Variants in THNSL1 observed in about 807,000 individuals in gnomAD.
THNSL1 encodes the protein threonine synthase like 1, also known as threonine synthase-like 1.
In THNSL1, 48 loss-of-function variants were observed where a neutral mutation model predicts 50.4. The ratio of observed to expected loss-of-function variants is 0.95; its 90% confidence interval spans 0.76 to 1.21. THNSL1 has a LOEUF of 1.21. Among genes scored for constraint, THNSL1 ranks in the 50% most tolerant of loss-of-function variants. The pLI is 0.00. For missense variants in THNSL1, 896 were observed against 871.7 expected, an observed-to-expected ratio of 1.03 and a Z score of -0.35; for synonymous variants, 309 against 306.1, an observed-to-expected ratio of 1.01 and a Z score of -0.10.
At chr10:24,991,550 G>T in the THNSL1 span, among the ~76,000 whole-genome samples, 4 of 152,120 alleles carry the variant, frequency 2.6e-5, no homozygotes, top group Non-Finnish European at 4.4e-5. Flanking sequence ...GCAGGCCATC[G>T]ATCAGTGGAA....
the THNSL1 span, among the ~76,000 whole-genome samples, chr10:24,965,668 C>T: frequency 6.6e-6 from 1 of 152,130 alleles, no homozygotes; most frequent in Non-Finnish European, 1.5e-5. Context: ...CTTTGCAGGG[C>T]CCTGCATTTC....
At chr10:25,000,144 T>G in the THNSL1 span, among the ~76,000 whole-genome samples, 36,763 of 152,126 alleles carry the variant, frequency 0.24, 5,541 homozygotes, top group East Asian at 0.5. Flanking sequence ...TTTCCAGATA[T>G]CTAATTGATT....
At chr10:24,955,433 A>G in the THNSL1 span, among the ~76,000 whole-genome samples, 9 of 152,214 alleles carry the variant, frequency 5.9e-5, no homozygotes, top group African/African-American at 2.2e-4. Flanking sequence ...AGCCAATTAT[A>G]TCAGTGTAAT....
In THNSL1 at chr10:25,025,353, G is replaced by A. The variant is rs1355513841; in HGVS notation, c.2130G>A (p.Glu710=). The A allele has an allele frequency of 1.2e-6, 2 of 1,613,054 alleles. No individual in the cohort carries two copies. Among genetic ancestry groups the A allele is most frequent in the African/African-American group, 2.7e-5 (2 of 74,910 alleles). ...CTCCACTGCATGAGGCTTTATTAGA[G>A]AGAACAAAACAGCAAGAGAAGATGG... ...ALPPLHEALL[E]RTKQQEKMEY... is the part of the protein sequence containing the mutation. Residue 710 remains glutamate (E), a synonymous_variant, in exon 3 of 3, where the codon GAG becomes GAA. Transcript: ENST00000376356.
chr10:24,964,889 C>T, the THNSL1 span, among the ~76,000 whole-genome samples: 1 of 151,948 alleles, frequency 6.6e-6, no homozygotes, highest in African/African-American at 2.4e-5. Flanking sequence ...ATGGAGGAAC[C>T]CCTTCTCTAC....
chr10:24,985,858 A>G, the THNSL1 span, among the ~76,000 whole-genome samples: 2 of 152,200 alleles, frequency 1.3e-5, no homozygotes, highest in Non-Finnish European at 2.9e-5. Context: ...GCTTGAGCCC[A>G]GGAGTTCGAG....
rs1588674922 is a variant in THNSL1, at chr10:25,024,127, C to T, written c.904C>T (p.Pro302Ser). Residue 302 changes from proline to serine, a missense_variant, in exon 3 of 3, where the codon CCT becomes TCT. Transcript: ENST00000376356. The stretch of plus-strand genomic sequence containing the variant: ...GATACTGTTGGAAAGATGTATCCAT[C>T]CTGCAGACATACCTGCTGCCAGGTT... ...AQILLERCIH[P>S]ADIPAARLGE... The T allele has an allele frequency of 6.2e-7, 1 of 1,614,162 alleles. No homozygotes were observed.
chr10:24,952,512 G>A, the THNSL1 span: 2 of 1,581,680 alleles, frequency 1.3e-6, no homozygotes, highest in South Asian at 2.3e-5. The surrounding 1 kb of genome is among the most constrained non-coding windows in gnomAD (Gnocchi z 5.1). Context: ...CCCCAAAATA[G>A]GGAGTTTGCA....
chr10:24,967,399 A>G, the THNSL1 span, among the ~76,000 whole-genome samples: 6 of 152,294 alleles, frequency 3.9e-5, no homozygotes, highest in East Asian at 1.2e-3. Flanking sequence ...TGGCTCTTAC[A>G]ACTGAGAATA....
Position 25,025,241 on chromosome 10 carries a change from C to T in THNSL1, c.2018C>T (p.Pro673Leu), listed in dbSNP as rs1237742975. 1 of 1,614,060 alleles carries T rather than the reference C, an allele frequency of 6.2e-7. No individual in the cohort carries two copies. Among genetic ancestry groups the T allele is most frequent in the Non-Finnish European group, 8.5e-7 (1 of 1,180,054 alleles). ...ACAGCCCATTACTCAAAGTTTGCAC[C>T]TGCTATCATGCAGGCTTTAAAGATT... ...SSTAHYSKFA[P>L]AIMQALKIKE... The change falls in exon 3 of 3, where the codon CCT becomes CTT. Residue 673 changes from proline (P) to leucine (L), a missense_variant. Coordinates refer to ENST00000376356, the MANE Select transcript of THNSL1 (RefSeq NM_024838.5).
chr10:25,025,523 G>T lies in THNSL1; in HGVS notation c.*68G>T. 2 of 1,417,566 alleles carry T rather than the reference G, an allele frequency of 1.4e-6. No homozygotes were observed. The highest frequency in any genetic ancestry group is 1.9e-6 in the Non-Finnish European group (2 of 1,042,986). 87.8% of individuals were successfully genotyped at this position (1,417,566 alleles called of 1,614,324 possible). ...ATAATAAATCTCAAACACTGATTTG[G>T]AGTACAGTAGCATTTTGTCTTTTAT... On this transcript the variant is annotated 3_prime_UTR_variant, in exon 3 of 3. Coordinates refer to ENST00000376356, the MANE Select transcript of THNSL1 (RefSeq NM_024838.5).
chr10:24,978,283 T>G, the THNSL1 span, among the ~76,000 whole-genome samples: 3 of 152,200 alleles, frequency 2.0e-5, no homozygotes, highest in Non-Finnish European at 4.4e-5. Context: ...ACACATAGTT[T>G]TTTTTTTGTT....
At chr10:25,010,223 T>C in the THNSL1 span, among the ~76,000 whole-genome samples, 4 of 152,152 alleles carry the variant, frequency 2.6e-5, no homozygotes, top group African/African-American at 9.7e-5. Context: ...TGTTGAGAAC[T>C]GGAATAAAGG....
the THNSL1 span, among the ~76,000 whole-genome samples, chr10:24,964,162 T>C: frequency 6.6e-6 from 1 of 152,226 alleles, no homozygotes; most frequent in African/African-American, 2.4e-5. Flanking sequence ...CTTCAGAAAG[T>C]GCCAAATGTC....
chr10:24,960,849 C>G, the THNSL1 span, among the ~76,000 whole-genome samples: 2 of 152,088 alleles, frequency 1.3e-5, no homozygotes, highest in South Asian at 4.1e-4. Flanking sequence ...CTTGGCCTCC[C>G]AAAGTGCTAG....
the THNSL1 span, among the ~76,000 whole-genome samples, chr10:24,988,792 G>T: frequency 6.9e-6 from 1 of 145,010 alleles, no homozygotes; most frequent in African/African-American, 2.6e-5. Flanking sequence ...GGTATAATGA[G>T]ACTGTTATTT....
chr10:24,995,020 C>CA, the THNSL1 span, among the ~76,000 whole-genome samples: 14 of 151,774 alleles, frequency 9.2e-5, no homozygotes, highest in East Asian at 1.9e-4. Context: ...GAATATGTCT[C>CA]AAAAAAAATC....
chr10:24,952,492 G>T, the THNSL1 span: 1 of 1,561,074 alleles, frequency 6.4e-7, no homozygotes, highest in Non-Finnish European at 8.7e-7. The surrounding 1 kb of genome is among the most constrained non-coding windows in gnomAD (Gnocchi z 5.1). Flanking sequence ...AGGGAGGGGA[G>T]CGGGCCGAGC....
chr10:25,015,876 G>C (rs762609722), upstream of THNSL1: 2 of 1,605,404 alleles, frequency 1.2e-6, no homozygotes, highest in South Asian at 2.3e-5. Flanking sequence ...GGCTGGGGAG[G>C]CTCCTTCAAG....
Sources: gnomAD v4.1 joint callset for allele counts (sites outside exome capture counted in the v4.1 genomes callset) on GRCh38, gnomAD v4.1.1 for gene constraint, Gnocchi (gnomAD v3.1) non-coding constraint, MANE v1.5 for transcripts, NCBI Gene and HGNC (gene_info 2026-07-23, HGNC 2026-07-21) for gene names.